Variants in SMOC1 observed in about 807,000 individuals in gnomAD.
The protein encoded by SMOC1 is SPARC related modular calcium binding 1.
Under a neutral mutation model 56.3 loss-of-function variants are expected in SMOC1, and 22 were observed. The observed-to-expected ratio is 0.39, with a 90% confidence interval of 0.28 to 0.56. The LOEUF is 0.56. Ranked by LOEUF, SMOC1 falls within the 20% of genes least tolerant of loss-of-function variation. The pLI, the probability that SMOC1 is intolerant of heterozygous loss-of-function variation, is 0.61. For synonymous variants in SMOC1, 193 were observed against 215.0 expected (o/e 0.90, Z 0.89); for missense variants, 509 against 565.4 (o/e 0.90, Z 1.01).
chr14:69,949,900 A>G (rs1882931945), intron 1 of SMOC1, among the ~76,000 whole-genome samples: 1 of 152,190 alleles, frequency 6.6e-6, no homozygotes, highest in Non-Finnish European at 1.5e-5. Flanking sequence ...GATCGTGTGC[A>G]GGGCTTGACT....
intron 1 of SMOC1, among the ~76,000 whole-genome samples, chr14:69,896,513 A>G (rs1884103469): frequency 6.6e-6 from 1 of 152,262 alleles, no homozygotes; most frequent in South Asian, 2.1e-4. Flanking sequence ...CATAAAAATA[A>G]TAGCTGTAAC....
At chr14:69,887,418 G>T (rs1003150674) in intron 1 of SMOC1, among the ~76,000 whole-genome samples, 5 of 152,108 alleles carry the variant, frequency 3.3e-5, no homozygotes, top group Non-Finnish European at 5.9e-5. Flanking sequence ...TACCTTTTTG[G>T]GGGAGAGGGA....
chr14:69,909,485 G>A (rs1697454416), intron 1 of SMOC1, among the ~76,000 whole-genome samples: 1 of 152,176 alleles, frequency 6.6e-6, no homozygotes, highest in Non-Finnish European at 1.5e-5. Context: ...CCACTGCAGT[G>A]TCTAGGTGGT....
rs146895651 is a variant in SMOC1 at position 69,888,161 on chromosome 14, G to A, written c.99+8384G>A. On this transcript the variant is annotated intron_variant, in intron 1 of 11. Transcript: ENST00000361956. ...GAAATAAATCGGAGCTGCTTGTGAG[G>A]CCGCCAAACAGGGTTAGATTTGTAC... Among the ~76,000 whole-genome samples, 565 of 152,208 alleles carry A rather than the reference G, an allele frequency of 3.7e-3. 3 individuals carry two copies. The highest frequency in any genetic ancestry group is 6.2e-3 in the Non-Finnish European group (419 of 68,010).
rs146215071 is a variant in SMOC1 at position 69,930,930 on chromosome 14, C to G, written c.100-21208C>G. ...TTCTTCTTTTCCATCTCCACTGCCA[C>G]AGTGTAGCCCGGGCTGCTGTCAACA... On this transcript the variant is annotated intron_variant, in intron 1 of 11. Transcript: ENST00000361956. 6.6e-5 allele frequency among the ~76,000 whole-genome samples: 10 copies of G among 152,364 alleles called. No homozygotes were observed. The East Asian group carries it at 1.9e-3, about 29-fold the overall frequency.
chr14:69,974,677 C>T lies in SMOC1; in HGVS notation c.379-1038C>T, dbSNP rs1181121046. Among the ~76,000 whole-genome samples, 6 of 151,176 alleles carry T rather than the reference C, an allele frequency of 4.0e-5. No individual in the cohort carries two copies. The East Asian group carries it at 5.9e-4, about 15-fold the overall frequency. On this transcript the variant is annotated intron_variant, in intron 3 of 11. Transcript: ENST00000361956. ...TTGAAAGCAGGATAGTGGGGTGGGG[C>T]GGGAGGTGGTGGGTAGGGTGACAGC... is the stretch of plus-strand genomic sequence containing the variant.
At chr14:69,912,594 G>A (rs1184053087) in intron 1 of SMOC1, among the ~76,000 whole-genome samples, 1 of 152,204 alleles carries the variant, frequency 6.6e-6, no homozygotes, top group Non-Finnish European at 1.5e-5. Context: ...AATTCCAGCT[G>A]TAGACTATTC....
At chr14:69,886,435 C>G in intron 1 of SMOC1, among the ~76,000 whole-genome samples, 1 of 152,206 alleles carries the variant, frequency 6.6e-6, no homozygotes, top group South Asian at 2.1e-4. Context: ...TGATGTCCAA[C>G]CTGAACCCCT....
At chr14:70,028,144 A>G (rs1450741739) in intron 11 of SMOC1, among the ~76,000 whole-genome samples, 1 of 151,594 alleles carries the variant, frequency 6.6e-6, no homozygotes, top group Non-Finnish European at 1.5e-5. Context: ...TACCAACCAG[A>G]CTCCTCCCTG....
intron 1 of SMOC1, among the ~76,000 whole-genome samples, chr14:69,911,116 A>G (rs1884545589): frequency 6.6e-6 from 1 of 152,140 alleles, no homozygotes; most frequent in African/African-American, 2.4e-5. Context: ...AGCATACAAT[A>G]TAGCTATTGT....
chr14:69,975,842 A>C (rs1307417528), intron 4 of SMOC1, 28 bp downstream of exon 4: 1 of 1,552,818 alleles, frequency 6.4e-7, no homozygotes, highest in Non-Finnish European at 8.9e-7. Flanking sequence ...GGGAAGAATG[A>C]AAAGGGTTGG....
At chr14:70,021,044 G>A (rs1021969843) in intron 10 of SMOC1, among the ~76,000 whole-genome samples, 4 of 152,164 alleles carry the variant, frequency 2.6e-5, no homozygotes, top group African/African-American at 9.7e-5. Flanking sequence ...TATTATTCCA[G>A]CCTCTAGGTA....
intron 6 of SMOC1, among the ~76,000 whole-genome samples, chr14:69,992,848 C>T (rs538149795): frequency 1.3e-5 from 2 of 152,262 alleles, no homozygotes; most frequent in African/African-American, 4.8e-5. Flanking sequence ...CACTCTGTGC[C>T]TGGCACTGTG....
Position 70,031,598 on chromosome 14 carries a change from C to A in SMOC1, c.*1340C>A, listed in dbSNP as rs896857246. The A allele has an allele frequency of 6.6e-6, 1 of 152,348 alleles. No individual in the cohort carries two copies. 9.4% of individuals were successfully genotyped at this position (152,348 alleles called of 1,614,324 possible). On this transcript the variant is annotated 3_prime_UTR_variant, in exon 12 of 12. Coordinates refer to ENST00000361956, the MANE Select transcript of SMOC1 (RefSeq NM_001034852.3). ...TCCTATTCTGCCTCCCCTAGAAGGG[C>A]AGGGGTGATAACCCAGCTACAGGGA...
chr14:70,003,782 C>T (rs1388195389), intron 7 of SMOC1, among the ~76,000 whole-genome samples: 1 of 152,182 alleles, frequency 6.6e-6, no homozygotes, highest in Non-Finnish European at 1.5e-5. Context: ...GGGAAAGCTT[C>T]AGGGATGGAG....
chr14:70,007,332 C>T (rs544068193), intron 7 of SMOC1, among the ~76,000 whole-genome samples: 1 of 152,206 alleles, frequency 6.6e-6, no homozygotes, highest in Non-Finnish European at 1.5e-5. Flanking sequence ...GGTAAATACT[C>T]AAATAGATGT....
At chr14:70,002,618 A>G (rs1346681896) in intron 7 of SMOC1, among the ~76,000 whole-genome samples, 7 of 152,216 alleles carry the variant, frequency 4.6e-5, no homozygotes, top group Admixed American at 1.3e-4. Flanking sequence ...GGCGATGGCC[A>G]AGTGGCACTG....
chr14:70,004,158 C>T (rs536497246), intron 7 of SMOC1, among the ~76,000 whole-genome samples: 1 of 152,324 alleles, frequency 6.6e-6, no homozygotes, highest in East Asian at 1.9e-4. Context: ...AGGAAGACTG[C>T]ATCATTCATC....
intron 1 of SMOC1, among the ~76,000 whole-genome samples, chr14:69,914,626 T>G (rs915816930): frequency 1.3e-5 from 2 of 152,128 alleles, no homozygotes; most frequent in Non-Finnish European, 2.9e-5. Context: ...CTAGGTCTGG[T>G]GAAGTAGCCA....
Sources: gnomAD v4.1 joint callset for allele counts (sites outside exome capture counted in the v4.1 genomes callset) on GRCh38, gnomAD v4.1.1 for gene constraint, MANE v1.5 for transcripts, NCBI Gene and HGNC (gene_info 2026-07-23, HGNC 2026-07-21) for gene names.